Variants in PHC3 observed in about 807,000 individuals in gnomAD.
PHC3 encodes polyhomeotic homolog 3, also known as polyhomeotic-like protein 3.
A neutral mutation model predicts 107.4 loss-of-function variants in PHC3; 13 were observed. The ratio of observed to expected loss-of-function variants is 0.12; its 90% CI spans 0.08 to 0.19. PHC3 has a LOEUF of 0.19. Among genes scored for constraint, PHC3 ranks in the 10% least tolerant of loss-of-function variants. The pLI is 1.00. For missense variants in PHC3, 992 were observed against 1,210.9 expected, an observed-to-expected ratio of 0.82 and a Z score of 2.68; for synonymous variants, 456 against 427.4, an observed-to-expected ratio of 1.07 and a Z score of -0.83.
At chr3:170,120,037 A>C (rs1399697681) in intron 9 of PHC3, among the ~76,000 whole-genome samples, 1 of 152,190 alleles carries the variant, frequency 6.6e-6, no homozygotes, top group East Asian at 1.9e-4. Context: ...GAAATGTTTA[A>C]ACTTCCTTCA....
At chr3:170,111,780 T>C (rs1337989839) in intron 11 of PHC3, among the ~76,000 whole-genome samples, 1 of 152,204 alleles carries the variant, frequency 6.6e-6, no homozygotes, top group East Asian at 1.9e-4. Flanking sequence ...GTCAGAGATG[T>C]CATCCTTTTA....
intron 7 of PHC3, among the ~76,000 whole-genome samples, chr3:170,130,965 A>T (rs1397520497): frequency 6.6e-6 from 1 of 152,100 alleles, no homozygotes; most frequent in Non-Finnish European, 1.5e-5. Context: ...TATACCTTAC[A>T]TCTATTTTTG....
At chr3:170,129,860 C>T (rs1288679085) in intron 7 of PHC3, among the ~76,000 whole-genome samples, 3 of 152,060 alleles carry the variant, frequency 2.0e-5, no homozygotes, top group Non-Finnish European at 4.4e-5. Flanking sequence ...CTACCACACC[C>T]GGCTAACTTC....
chr3:170,100,683 G>GT (rs972208824), intron 14 of PHC3, among the ~76,000 whole-genome samples: 1 of 152,064 alleles, frequency 6.6e-6, no homozygotes, highest in Non-Finnish European at 1.5e-5. Context: ...TAAGTTTTAT[G>GT]TTTTTTTAAC....
chr3:170,146,179 A>G (rs972320223), intron 5 of PHC3, among the ~76,000 whole-genome samples: 5 of 152,084 alleles, frequency 3.3e-5, no homozygotes, highest in Non-Finnish European at 7.4e-5. Flanking sequence ...GTTCAAGACC[A>G]GCCTGGCCAA....
intron 7 of PHC3, among the ~76,000 whole-genome samples, chr3:170,135,144 T>C (rs538063499): frequency 1.2e-3 from 164 of 142,520 alleles, no homozygotes; most frequent in Non-Finnish European, 2.0e-3. Context: ...AAGTTTTTTG[T>C]TTGTTTGTTT....
rs543968591 is a variant in PHC3, at chr3:170,097,963, C to T, written c.2834-579G>A. On this transcript the variant is annotated intron_variant, in intron 14 of 14. Coordinates refer to ENST00000495893, the MANE Select transcript of PHC3 (RefSeq NM_024947.4). This position sits in a 1 kb window ranked among gnomAD's most constrained non-coding sequence, Gnocchi z 4.1. ...ATCAAATTTCTCAAGACTGTATTAC[C>T]AATCTATTGCAATGCTGCTGAAATG... Among the ~76,000 whole-genome samples the T allele has an allele frequency of 1.3e-5, 2 of 152,136 alleles. No individual in the cohort carries two copies. The highest frequency in any genetic ancestry group is 2.9e-5 in the Non-Finnish European group (2 of 67,988).
chr3:170,094,269 A>G lies in PHC3; in HGVS notation c.*2961T>C, dbSNP rs138339914. ...AAGGCTTGATGAATATTAATGTCATATAAAAAATAATTTTTACAAATCAGC... is the reference window on the plus strand; with the variant it reads ...AAGGCTTGATGAATATTAATGTCATGTAAAAAATAATTTTTACAAATCAGC... On this transcript the variant is annotated 3_prime_UTR_variant, in exon 15 of 15. Transcript: ENST00000495893. 23 of 152,354 alleles carry G rather than the reference A, an allele frequency of 1.5e-4. No homozygotes were observed. In the East Asian group the frequency reaches 4.2e-3, roughly 28 times the overall value. The allele number at this position is 152,354 out of a possible 1,614,324, so 9.4% of individuals were successfully genotyped here.
intron 7 of PHC3, among the ~76,000 whole-genome samples, chr3:170,130,129 T>A (rs1389269282): frequency 6.6e-6 from 1 of 152,244 alleles, no homozygotes; most frequent in Admixed American, 6.5e-5. Context: ...GTTCTTATTA[T>A]ATTTTATAGG....
intron 8 of PHC3, among the ~76,000 whole-genome samples, chr3:170,127,505 TC>T (rs1295312450): frequency 8.3e-6 from 1 of 120,406 alleles, no homozygotes; most frequent in Non-Finnish European, 1.8e-5. Context: ...AAGGTATAAT[TC>T]AATCTCTGTG....
chr3:170,129,055 A>C lies in PHC3; in HGVS notation c.1417T>G (p.Ser473Ala). The change falls in exon 8 of 15, where the codon TCC becomes GCC. Residue 473 changes from serine (S) to alanine (A), a missense_variant. By Grantham distance (99) the Ser-to-Ala change is moderately conservative. Around this residue, in one of 6 missense-constraint regions of PHC3, gnomAD observed 543 missense variants for 590.8 expected, o/e 0.92. Coordinates refer to ENST00000495893, the MANE Select transcript of PHC3 (RefSeq NM_024947.4). ...NLPSHLPLPA[S>A]PVVHIGPVQQ... ...ACTGGGCCAATGTGTACAACAGGGG[A>C]AGCTGGAAGTGGAAGATGGGATGGA... The C allele has an allele frequency of 6.2e-7, 1 of 1,612,144 alleles. No homozygotes were observed. Among genetic ancestry groups the C allele is most frequent in the Admixed American group, 1.7e-5 (1 of 59,500 alleles).
chr3:170,128,390 T>TG (rs1721694350), intron 8 of PHC3: 2 of 1,336,116 alleles, frequency 1.5e-6, no homozygotes, highest in Non-Finnish European at 1.9e-6. Context: ...TGCATTCCCT[T>TG]GGGGAAAAAA....
chr3:170,168,894 C>A (rs1258377204), intron 4 of PHC3, among the ~76,000 whole-genome samples: 2 of 151,674 alleles, frequency 1.3e-5, no homozygotes, highest in Admixed American at 1.3e-4. Flanking sequence ...ACTCTCCAAA[C>A]CACATATAGA....
chr3:170,168,493 C>T (rs1348101033), intron 4 of PHC3, among the ~76,000 whole-genome samples: 1 of 151,610 alleles, frequency 6.6e-6, no homozygotes, highest in African/African-American at 2.4e-5. Context: ...CGGCCGGGCA[C>T]GGTGGCTCAC....
At chr3:170,111,326 G>T (rs1482622258) in intron 11 of PHC3, among the ~76,000 whole-genome samples, 1 of 139,506 alleles carries the variant, frequency 7.2e-6, no homozygotes, top group Non-Finnish European at 1.5e-5. Context: ...AGGAACGAAC[G>T]AACGAAAGAA....
intron 9 of PHC3, among the ~76,000 whole-genome samples, chr3:170,117,750 C>G (rs1157509516): frequency 6.6e-6 from 1 of 151,234 alleles, no homozygotes. Flanking sequence ...GTAATGCCAG[C>G]ACTTTGGGAG....
chr3:170,103,650 A>G (rs559625933), intron 12 of PHC3, among the ~76,000 whole-genome samples: 7 of 152,342 alleles, frequency 4.6e-5, no homozygotes, highest in African/African-American at 1.7e-4. Flanking sequence ...CAGGACTGGC[A>G]AACTTTTTCT....
intron 8 of PHC3, among the ~76,000 whole-genome samples, chr3:170,125,797 G>A (rs1208682048): frequency 6.6e-6 from 1 of 152,110 alleles, no homozygotes; most frequent in Admixed American, 6.6e-5. Flanking sequence ...CAGACATCTG[G>A]CACAATCAGC....
intron 11 of PHC3, 28 bp from the exon 12 acceptor site, chr3:170,106,974 A>C (rs781461398): frequency 6.5e-6 from 10 of 1,539,198 alleles, no homozygotes; most frequent in African/African-American, 1.4e-5. Flanking sequence ...AAAGGAAAAA[A>C]AGGTTCCAAA....
Sources: gnomAD v4.1 joint callset for allele counts (sites outside exome capture counted in the v4.1 genomes callset) on GRCh38, gnomAD v4.1.1 for gene constraint, gnomAD v4.1.1 regional missense constraint, Gnocchi (gnomAD v3.1) non-coding constraint, MANE v1.5 for transcripts, NCBI Gene and HGNC (gene_info 2026-07-23, HGNC 2026-07-21) for gene names.